Variants in COL13A1 observed in about 807,000 individuals in gnomAD.
The protein encoded by COL13A1 is collagen type XIII alpha 1 chain.
In COL13A1, 89 loss-of-function variants were observed where a neutral mutation model predicts 130.9. The observed-to-expected ratio is 0.68, with a 90% CI of 0.57 to 0.81. The LOEUF is 0.81. Ranked by LOEUF, COL13A1 falls within the 30% of genes least tolerant of loss-of-function variation. The pLI is 0.00. For missense variants in COL13A1, 879 were observed against 934.6 expected, an observed-to-expected ratio of 0.94 and a Z score of 0.78; for synonymous variants, 402 against 341.6, an observed-to-expected ratio of 1.18 and a Z score of -1.95.
intron 4 of COL13A1, among the ~76,000 whole-genome samples, chr10:69,872,842 G>A (rs964260723): frequency 2.0e-5 from 3 of 152,210 alleles, no homozygotes; most frequent in African/African-American, 7.2e-5. Flanking sequence ...GAGTCAGGAA[G>A]GTAAAATAGT....
chr10:69,841,607 G>T (rs1382513944), intron 2 of COL13A1, among the ~76,000 whole-genome samples: 2 of 152,174 alleles, frequency 1.3e-5, no homozygotes, highest in Non-Finnish European at 2.9e-5. Flanking sequence ...ATGACTTACG[G>T]TTCAGTCAGG....
chr10:69,922,203 A>G (rs555270733), intron 22 of COL13A1, among the ~76,000 whole-genome samples: 1 of 152,212 alleles, frequency 6.6e-6, no homozygotes, highest in South Asian at 2.1e-4. Flanking sequence ...TGCATCCCAC[A>G]GTTCATGAAC....
rs371984196 is a variant in COL13A1 at position 69,814,811 on chromosome 10, A to T, written c.295-7558A>T. On this transcript the variant is annotated intron_variant, in intron 1 of 40. Transcript: ENST00000645393. ...CTGGAGTTTGGGGGCCATCTGTGCC[A>T]ACCCAAAAGAAAGTCCCACTCCAGC... is the stretch of plus-strand genomic sequence containing the variant. 2.0e-5 allele frequency among the ~76,000 whole-genome samples: 3 copies of T among 152,202 alleles called. No homozygotes were observed. The South Asian group carries it at 6.2e-4, about 31-fold the overall frequency.
At chr10:69,882,423 A>T (rs2060230871) in intron 7 of COL13A1, among the ~76,000 whole-genome samples, 1 of 152,238 alleles carries the variant, frequency 6.6e-6, no homozygotes, top group Non-Finnish European at 1.5e-5. Flanking sequence ...AATCAGAAAC[A>T]TATCTACTGC....
chr10:69,813,183 C>A (rs1843499766), intron 1 of COL13A1, among the ~76,000 whole-genome samples: 1 of 152,152 alleles, frequency 6.6e-6, no homozygotes, highest in African/African-American at 2.4e-5. Flanking sequence ...CCCAGGACTT[C>A]TTTGTGGTGG....
chr10:69,870,704 G>C (rs1040368007), intron 3 of COL13A1, among the ~76,000 whole-genome samples: 6 of 152,064 alleles, frequency 3.9e-5, no homozygotes, highest in Non-Finnish European at 7.4e-5. Context: ...TAGGGGGATT[G>C]ACAAGCTACA....
At chr10:69,812,198 ACT>A (rs1391653085) in intron 1 of COL13A1, among the ~76,000 whole-genome samples, 2 of 151,858 alleles carry the variant, frequency 1.3e-5, no homozygotes, top group African/African-American at 4.8e-5. Flanking sequence ...AGCCCTTGTC[ACT>A]CTCTCCAGCC....
intron 17 of COL13A1, among the ~76,000 whole-genome samples, chr10:69,916,005 G>A (rs2063878824): frequency 6.6e-6 from 1 of 152,194 alleles, no homozygotes; most frequent in African/African-American, 2.4e-5. Flanking sequence ...TTTTAAGGCA[G>A]GGGTCTCGCT....
At chr10:69,802,813 C>G (rs1390459470) in intron 1 of COL13A1, 96 bp downstream of exon 1, 22 of 1,490,224 alleles carry the variant, frequency 1.5e-5, no homozygotes, top group Non-Finnish European at 9.2e-7. Flanking sequence ...CGCTCGCTCT[C>G]TGCGAGCCCC....
chr10:69,859,532 C>T (rs993472520), intron 2 of COL13A1, among the ~76,000 whole-genome samples: 3 of 152,240 alleles, frequency 2.0e-5, no homozygotes, highest in African/African-American at 7.2e-5. Flanking sequence ...CCAGGCAGGG[C>T]CTTGCACAGG....
chr10:69,929,601 C>A (rs114745505), intron 28 of COL13A1, among the ~76,000 whole-genome samples: 1 of 152,180 alleles, frequency 6.6e-6, no homozygotes, highest in East Asian at 1.9e-4. Flanking sequence ...TCCCTTAACT[C>A]CCCACCTGAC....
chr10:69,946,891 G>A (rs1457386736), intron 37 of COL13A1, among the ~76,000 whole-genome samples: 2 of 152,106 alleles, frequency 1.3e-5, no homozygotes, highest in East Asian at 1.9e-4. Context: ...AGGTTCAAGC[G>A]ATTCTCCTGC....
intron 10 of COL13A1, among the ~76,000 whole-genome samples, chr10:69,891,851 T>C (rs1247893363): frequency 6.6e-6 from 1 of 152,092 alleles, no homozygotes; most frequent in African/African-American, 2.4e-5. Flanking sequence ...AGGCACAGAG[T>C]GGCTAAGTAC....
rs550852697 is a variant in COL13A1 at position 69,928,386 on chromosome 10, C to T, written c.1423-551C>T. 5.3e-5 allele frequency among the ~76,000 whole-genome samples: 8 copies of T among 152,300 alleles called. No homozygotes were observed. In the East Asian group the frequency reaches 5.8e-4, roughly 11 times the overall value. On this transcript the variant is annotated intron_variant, in intron 27 of 40. Transcript: ENST00000645393. Reference sequence around the variant, plus strand: ...CCAGCCCCAGGCCACCACTGCTCTGCGTCACTTCTGTCACTGTAGATTAGG... The same window carrying T: ...CCAGCCCCAGGCCACCACTGCTCTGTGTCACTTCTGTCACTGTAGATTAGG...
chr10:69,867,991 C>G (rs1440731571), intron 3 of COL13A1, among the ~76,000 whole-genome samples, 186 bp downstream of exon 3: 2 of 152,176 alleles, frequency 1.3e-5, no homozygotes, highest in African/African-American at 4.8e-5. Context: ...TTTTCACCCA[C>G]TTCTGCACCC....
chr10:69,816,962 A>G (rs549655117), intron 1 of COL13A1, among the ~76,000 whole-genome samples: 3 of 152,328 alleles, frequency 2.0e-5, no homozygotes, highest in Admixed American at 6.5e-5. Flanking sequence ...TTCCGTTTTT[A>G]TGCTGGGAAT....
intron 2 of COL13A1, among the ~76,000 whole-genome samples, chr10:69,828,634 C>T (rs1701850254): frequency 6.6e-6 from 1 of 152,212 alleles, no homozygotes; most frequent in African/African-American, 2.4e-5. Context: ...TCAGTTTCTA[C>T]CTAGTGAACT....
In COL13A1 at chr10:69,958,875, C is replaced by A; in HGVS notation, c.*174C>A. On this transcript the variant is annotated 3_prime_UTR_variant, in exon 41 of 41. Transcript: ENST00000645393. ...ATATCAACCTCTTCCCTTTTGTTTA[C>A]AAGATGTTTTGTATAAGCCTATGTC... 2 of 893,174 alleles carry A rather than the reference C, an allele frequency of 2.2e-6. No individual in the cohort carries two copies. The highest frequency in any genetic ancestry group is 3.3e-6 in the Non-Finnish European group (2 of 608,250). The allele number at this position is 893,174 out of a possible 1,614,324, so 55.3% of individuals were successfully genotyped here.
At chr10:69,849,115 T>A (rs530282719) in intron 2 of COL13A1, among the ~76,000 whole-genome samples, 6 of 152,392 alleles carry the variant, frequency 3.9e-5, no homozygotes, top group African/African-American at 4.8e-5. Flanking sequence ...ACCATTTTTT[T>A]AAATGTCTTA....
Sources: gnomAD v4.1 joint callset for allele counts (sites outside exome capture counted in the v4.1 genomes callset) on GRCh38, gnomAD v4.1.1 for gene constraint, MANE v1.5 for transcripts, NCBI Gene and HGNC (gene_info 2026-07-23, HGNC 2026-07-21) for gene names.